CDH1: variants seen among roughly 807,000 people sequenced by gnomAD.
CDH1 encodes the protein cadherin-1.
CDH1 carries 35 observed loss-of-function variants against 84.5 expected under a neutral mutation model. That is an observed-to-expected ratio of 0.41 (90% CI 0.32 to 0.55). The LOEUF is 0.55. Among genes scored for constraint, CDH1 ranks in the 20% least tolerant of loss-of-function variants. CDH1 has a pLI of 0.19. For synonymous variants in CDH1, 417 were observed against 439.0 expected (o/e 0.95, Z 0.63); for missense variants, 994 against 1,126.6 (o/e 0.88, Z 1.68).
chr16:68,777,241 C>T (rs780371108), intron 2 of CDH1, among the ~76,000 whole-genome samples: 76 of 152,186 alleles, frequency 5.0e-4, no homozygotes, highest in Non-Finnish European at 7.5e-4. Context: ...TGGGGCCAGA[C>T]GGCCTGTGCT....
intron 5 of CDH1, among the ~76,000 whole-genome samples, chr16:68,809,393 G>C (rs1044368929): frequency 1.3e-5 from 2 of 152,026 alleles, no homozygotes; most frequent in Non-Finnish European, 2.9e-5. Flanking sequence ...TTAGAGATGA[G>C]GTTTTACCAT....
chr16:68,797,945 GGT>G (rs1567499504), intron 2 of CDH1, among the ~76,000 whole-genome samples: 1 of 152,046 alleles, frequency 6.6e-6, no homozygotes, highest in African/African-American at 2.4e-5. Context: ...TGGGCGTGGT[GGT>G]GTGCACCTGT....
In CDH1 at chr16:68,810,295, C is replaced by T. The variant is rs876658994; in HGVS notation, c.786C>T (p.Phe262=). Residue 262 remains phenylalanine (F), a synonymous_variant, in exon 6 of 16, where the codon TTC becomes TTT. Transcript: ENST00000261769. The part of the protein sequence containing the change: ...VTDQNDNKPE[F]TQEVFKGSVM... ...ATCAGAATGACAACAAGCCCGAATT[C>T]ACCCAGGAGGTCTTTAAGGGGTCTG... 2.4e-5 allele frequency: 38 copies of T among 1,614,110 alleles called. No homozygotes were observed. Among genetic ancestry groups the T allele is most frequent in the Non-Finnish European group, 3.2e-5 (38 of 1,179,954 alleles).
chr16:68,784,288 G>T (rs970380201), intron 2 of CDH1, among the ~76,000 whole-genome samples: 11 of 152,172 alleles, frequency 7.2e-5, no homozygotes, highest in Admixed American at 2.0e-4. Flanking sequence ...TGCTGGTACA[G>T]TTCCGCCTCT....
chr16:68,822,779 C>A, intron 12 of CDH1: 1 of 245,028 alleles, frequency 4.1e-6, no homozygotes, highest in Non-Finnish European at 8.0e-6. Flanking sequence ...CGCTGAGTGT[C>A]CCTTGAAAAT....
intron 15 of CDH1, 84 bp downstream of exon 15, chr16:68,829,881 T>A (rs1961437286): frequency 8.7e-6 from 12 of 1,372,336 alleles, no homozygotes; most frequent in Middle Eastern, 2.0e-4. Flanking sequence ...AAAGAGTCTT[T>A]AGATTCTTTC....
intron 3 of CDH1, among the ~76,000 whole-genome samples, chr16:68,805,087 G>T (rs71395883): frequency 1.4e-5 from 2 of 146,428 alleles, no homozygotes; most frequent in African/African-American, 5.1e-5. Context: ...ATAGATCTTA[G>T]TCTCTAGTCC....
chr16:68,775,888 TG>T (rs967618112), intron 2 of CDH1, among the ~76,000 whole-genome samples: 2 of 152,232 alleles, frequency 1.3e-5, no homozygotes, highest in Non-Finnish European at 2.9e-5. Flanking sequence ...ACATTTCCCC[TG>T]TCTTCCACAG....
intron 8 of CDH1, 108 bp downstream of exon 8, chr16:68,812,371 T>A: frequency 8.4e-7 from 1 of 1,191,146 alleles, no homozygotes; most frequent in Non-Finnish European, 1.2e-6. Context: ...CTCTCCAGAC[T>A]AGAGAATGTT....
intron 2 of CDH1, among the ~76,000 whole-genome samples, chr16:68,739,450 G>T (rs1370864552): frequency 1.3e-5 from 2 of 151,732 alleles, no homozygotes; most frequent in African/African-American, 4.8e-5. Context: ...TTTTTTTAGA[G>T]ACAGGAGTCT....
At chr16:68,764,805 A>G (rs1959321111) in intron 2 of CDH1, among the ~76,000 whole-genome samples, 1 of 152,166 alleles carries the variant, frequency 6.6e-6, no homozygotes, top group Admixed American at 6.6e-5. Context: ...CTGTCTGTTC[A>G]TCTGTTCACC....
intron 3 of CDH1, among the ~76,000 whole-genome samples, chr16:68,805,465 C>T (rs181232151): frequency 2.0e-5 from 3 of 152,290 alleles, no homozygotes; most frequent in East Asian, 3.9e-4. Context: ...TTCCACAGTC[C>T]TGGTGTCAGC....
chr16:68,758,484 G>T (rs1395978879), intron 2 of CDH1, among the ~76,000 whole-genome samples: 1 of 151,868 alleles, frequency 6.6e-6, no homozygotes, highest in African/African-American at 2.4e-5. Flanking sequence ...CTACTTGGGA[G>T]GTTGAGGCAG....
intron 2 of CDH1, among the ~76,000 whole-genome samples, chr16:68,797,914 A>G (rs1351337605): frequency 1.3e-5 from 2 of 151,898 alleles, no homozygotes; most frequent in African/African-American, 2.4e-5. Context: ...CCTTGTCTCT[A>G]CTAAAAATAC....
At chr16:68,817,750 C>T (rs1567509897) in intron 10 of CDH1, among the ~76,000 whole-genome samples, 2 of 151,892 alleles carry the variant, frequency 1.3e-5, no homozygotes, top group Non-Finnish European at 1.5e-5. Flanking sequence ...TACAAAACAA[C>T]GGCCAGCACA....
intron 8 of CDH1, among the ~76,000 whole-genome samples, chr16:68,812,682 T>G (rs1457403210): frequency 2.0e-5 from 3 of 152,240 alleles, no homozygotes; most frequent in Non-Finnish European, 2.9e-5. Context: ...AGAATTATTG[T>G]ATGCCAAGGA....
At chr16:68,774,121 C>G (rs1347157054) in intron 2 of CDH1, among the ~76,000 whole-genome samples, 2 of 152,024 alleles carry the variant, frequency 1.3e-5, no homozygotes, top group African/African-American at 4.8e-5. Context: ...TGCTATGTTG[C>G]CCAGGCTGGT....
intron 2 of CDH1, among the ~76,000 whole-genome samples, chr16:68,761,024 G>A (rs1005776512): frequency 6.6e-6 from 1 of 152,222 alleles, no homozygotes; most frequent in Non-Finnish European, 1.5e-5. Flanking sequence ...TAGGTCAAGT[G>A]AAACTGAACT....
At chr16:68,806,420 G>T (rs1960663246) in intron 3 of CDH1, among the ~76,000 whole-genome samples, 1 of 151,864 alleles carries the variant, frequency 6.6e-6, no homozygotes, top group South Asian at 2.1e-4. Flanking sequence ...AAAGTGCTGG[G>T]ATTACAGGTG....
Sources: gnomAD v4.1 joint callset for allele counts (sites outside exome capture counted in the v4.1 genomes callset) on GRCh38, gnomAD v4.1.1 for gene constraint, MANE v1.5 for transcripts, NCBI Gene and HGNC (gene_info 2026-07-23, HGNC 2026-07-21) for gene names.